Variants in TOP3A observed in about 807,000 individuals in gnomAD.
TOP3A encodes the protein DNA topoisomerase III alpha.
Under a neutral mutation model 111.3 loss-of-function variants are expected in TOP3A, and 64 were observed. The observed-to-expected ratio is 0.57, with a 90% CI of 0.47 to 0.71. The LOEUF (loss-of-function observed/expected upper bound fraction) is 0.71. Ranked by LOEUF, TOP3A falls within the 30% of genes least tolerant of loss-of-function variation. The pLI, the probability that TOP3A is intolerant of heterozygous loss-of-function variation, is 0.00. For synonymous variants in TOP3A, 484 were observed against 485.1 expected (o/e 1.00, Z 0.03); for missense variants, 1,104 against 1,285.0 (o/e 0.86, Z 2.15).
chr17:18,280,695 A>G (rs377478383), intron 16 of TOP3A, 37 bp from the exon 17 acceptor site: 1 of 1,609,528 alleles, frequency 6.2e-7, no homozygotes, highest in African/African-American at 1.3e-5. Context: ...ATAGGAGTGC[A>G]GGAGATGCTC....
At chr17:18,296,384 AC>A (rs1980806227) in intron 9 of TOP3A, among the ~76,000 whole-genome samples, 2 of 152,186 alleles carry the variant, frequency 1.3e-5, no homozygotes, top group South Asian at 2.1e-4. Context: ...GATTGAGACT[AC>A]CCTGGCCAAC....
intron 16 of TOP3A, among the ~76,000 whole-genome samples, chr17:18,282,341 C>G (rs957953004): frequency 1.3e-5 from 2 of 152,180 alleles, no homozygotes; most frequent in Non-Finnish European, 2.9e-5. Context: ...AAGTAACTTG[C>G]TTCAGGCCAC....
chr17:18,290,348 C>T (rs1980388055), intron 13 of TOP3A, among the ~76,000 whole-genome samples: 1 of 152,196 alleles, frequency 6.6e-6, no homozygotes, highest in Non-Finnish European at 1.5e-5. Flanking sequence ...AGAGCACTGA[C>T]TGTGGAGTTA....
chr17:18,275,445 C>T (rs1327942265), intron 18 of TOP3A, among the ~76,000 whole-genome samples: 15 of 151,322 alleles, frequency 9.9e-5, no homozygotes, highest in African/African-American at 3.6e-4. Context: ...CTGCAAGCTC[C>T]ACCTCCCGGG....
intron 16 of TOP3A, among the ~76,000 whole-genome samples, chr17:18,280,870 T>A (rs1189495645): frequency 6.6e-6 from 1 of 152,272 alleles, no homozygotes; most frequent in Non-Finnish European, 1.5e-5. Context: ...TTGCTGGCCC[T>A]GCTTTCTATT....
Position 18,297,803 on chromosome 17 carries a change from C to A in TOP3A, c.990+1756G>T, listed in dbSNP as rs1273432267. On this transcript the variant is annotated intron_variant, in intron 9 of 18. Transcript: ENST00000321105. Reference sequence around the variant, plus strand: ...TTCACCTCCCAGCAGCCTGCCTTGGCCTCCCAAAGTGCCGAGATTGCAGCC... The same window carrying A: ...TTCACCTCCCAGCAGCCTGCCTTGGACTCCCAAAGTGCCGAGATTGCAGCC... Among the ~76,000 whole-genome samples the A allele has an allele frequency of 2.6e-5, 4 of 152,170 alleles. No individual in the cohort carries two copies. In the East Asian group the frequency reaches 7.7e-4, roughly 29 times the overall value.
In TOP3A at chr17:18,294,698, C is replaced by G. The variant is rs1441994635; in HGVS notation, c.1073+5G>C. ...AAATTCTACTCCCAAACCCAAAATA[C>G]TTACCCTTGAGTGTAGAGCTTCTCA... On this transcript the variant is annotated splice_donor_5th_base_variant and intron_variant, in intron 10 of 18. Transcript: ENST00000321105. 6.2e-7 allele frequency: 1 copy of G among 1,607,004 alleles called. No individual in the cohort carries two copies. The highest frequency in any genetic ancestry group is 8.5e-7 in the Non-Finnish European group (1 of 1,173,736).
In TOP3A at chr17:18,273,773, C is replaced by A. The variant is rs184593790; in HGVS notation, c.*1029G>T. 1 of 152,006 alleles carries A rather than the reference C, an allele frequency of 6.6e-6. No homozygotes were observed. The highest frequency in any genetic ancestry group is 1.5e-5 in the Non-Finnish European group (1 of 68,032). 9.4% of individuals were successfully genotyped at this position (152,006 alleles called of 1,614,324 possible). On this transcript the variant is annotated 3_prime_UTR_variant, in exon 19 of 19. Coordinates refer to ENST00000321105, the MANE Select transcript of TOP3A (RefSeq NM_004618.5). ...GCCTCCTGAGCAGCTGAACTAAAGA[C>A]GTGTACAACTGTGCTTGTTATATTT...
At position 18,298,878 on chromosome 17, in the gene TOP3A, C is replaced by T. The variant is rs540678435; in HGVS notation, c.990+681G>A. On this transcript the variant is annotated intron_variant, in intron 9 of 18. Transcript: ENST00000321105. ...CAGCATGCTCCTTAAGAGTCATCAC[C>T]ACTCCCTAATCTCAAGTACCCAGGG... Among the ~76,000 whole-genome samples the T allele has an allele frequency of 4.9e-3, 747 of 151,786 alleles. 5 individuals are homozygous for T. Among genetic ancestry groups the T allele is most frequent in the African/African-American group, 0.017 (706 of 41,364 alleles).
At position 18,274,644 on chromosome 17, in the gene TOP3A, G is replaced by T; in HGVS notation, c.*158C>A. 1 of 1,272,374 alleles carries T rather than the reference G, an allele frequency of 7.9e-7. No homozygotes were observed. 78.8% of individuals were successfully genotyped at this position (1,272,374 alleles called of 1,614,324 possible). ...AGCTGGCCTGCTCCAGAGTGATCTG[G>T]ACCTTGTGCCCCTTAACACAAGAAG... On this transcript the variant is annotated 3_prime_UTR_variant, in exon 19 of 19. Coordinates refer to ENST00000321105, the MANE Select transcript of TOP3A (RefSeq NM_004618.5).
At chr17:18,302,833 AG>A in intron 5 of TOP3A, 110 bp from the exon 6 acceptor site, 1 of 1,348,504 alleles carries the variant, frequency 7.4e-7, no homozygotes, top group Non-Finnish European at 1.0e-6. Context: ...CAGTTCAAGA[AG>A]CTGTGAGATG....
chr17:18,284,424 G>T (rs560325766), intron 15 of TOP3A, among the ~76,000 whole-genome samples: 1 of 152,132 alleles, frequency 6.6e-6, no homozygotes, highest in South Asian at 2.1e-4. Flanking sequence ...GTAGGGGTGG[G>T]ACTCAAAGTC....
intron 16 of TOP3A, among the ~76,000 whole-genome samples, chr17:18,282,470 C>A (rs1264787305): frequency 1.3e-5 from 2 of 152,188 alleles, no homozygotes; most frequent in Non-Finnish European, 2.9e-5. Context: ...GACAAAAAAA[C>A]CCCACTATCA....
intron 15 of TOP3A, 55 bp from the exon 16 acceptor site, chr17:18,282,896 C>CT: frequency 1.2e-6 from 2 of 1,603,812 alleles, no homozygotes; most frequent in Non-Finnish European, 1.7e-6. Flanking sequence ...GCAAAGGCAC[C>CT]TACAACACTC....
chr17:18,304,976 G>A, intron 5 of TOP3A, 136 bp downstream of exon 5: 2 of 735,302 alleles, frequency 2.7e-6, no homozygotes, highest in South Asian at 1.5e-5. Context: ...AGGACACATG[G>A]CTGGTGGGAC....
At chr17:18,309,689 C>A (rs1307677812) in intron 1 of TOP3A, among the ~76,000 whole-genome samples, 2 of 149,726 alleles carry the variant, frequency 1.3e-5, no homozygotes, top group East Asian at 2.0e-4. Flanking sequence ...AAAACTTGTA[C>A]ATGAAAGTCT....
Position 18,306,966 on chromosome 17 carries a change from C to A in TOP3A, c.315G>T (p.Trp105Cys). The change falls in exon 4 of 19, where the codon TGG (tryptophan) becomes TGT (cysteine). Residue 105 changes from tryptophan (W) to cysteine (C), a missense_variant and splice_region_variant. Trp to Cys is a radical substitution (Grantham distance 215). Transcript: ENST00000321105. ...AHDFQMQFRK[W>C]QSCNPLVLFE... ...AGAGGACAAGAGGGTTGCAGCTCTG[C>A]CTAGAAAAGAAATGAAAACAGAGTC... 2 of 1,612,252 alleles carry A rather than the reference C, an allele frequency of 1.2e-6. No homozygotes were observed. Among genetic ancestry groups the A allele is most frequent in the South Asian group, 2.2e-5 (2 of 91,028 alleles).
At chr17:18,292,472 C>T (rs1039757177) in intron 11 of TOP3A, among the ~76,000 whole-genome samples, 173 bp downstream of exon 11, 2 of 152,196 alleles carry the variant, frequency 1.3e-5, no homozygotes, top group East Asian at 1.9e-4. Context: ...GGGCCCACCA[C>T]GGGGAGGGAT....
At chr17:18,282,563 C>A in intron 16 of TOP3A, 135 bp downstream of exon 16, 1 of 1,264,254 alleles carries the variant, frequency 7.9e-7, no homozygotes, top group Admixed American at 1.9e-5. Flanking sequence ...TTTAGGCCAA[C>A]ACCTTGCCTG....
Sources: allele counts gnomAD v4.1 joint callset (sites outside exome capture counted in the v4.1 genomes callset), GRCh38; gene constraint gnomAD v4.1.1; transcripts MANE v1.5; gene names NCBI Gene and HGNC (gene_info 2026-07-23, HGNC 2026-07-21).